VGLL3: variants seen among roughly 807,000 people sequenced by gnomAD.
VGLL3 encodes transcription cofactor vestigial-like protein 3.
VGLL3 carries 18 observed loss-of-function variants against 29.2 expected under a neutral mutation model. That is an observed-to-expected ratio of 0.62 (90% CI 0.43 to 0.91). The LOEUF (loss-of-function observed/expected upper bound fraction) is 0.91. Ranked by LOEUF, VGLL3 falls within the 40% of genes least tolerant of loss-of-function variation. The pLI is 0.00. For synonymous variants in VGLL3, 180 were observed against 151.8 expected (o/e 1.19, Z -1.36); for missense variants, 440 against 413.2 (o/e 1.06, Z -0.56).
rs1704456753 is a variant in VGLL3, at chr3:86,944,114, C to T, written c.*2910G>A. 6.6e-6 allele frequency: 1 copy of T among 152,150 alleles called. No individual in the cohort carries two copies. The highest frequency in any genetic ancestry group is 1.5e-5 in the Non-Finnish European group (1 of 68,032). 9.4% of individuals were successfully genotyped at this position (152,150 alleles called of 1,614,324 possible). A position where few individuals can be genotyped will look rare whatever the true frequency, so the allele number is the denominator to read the frequency against. On this transcript the variant is annotated 3_prime_UTR_variant, in exon 4 of 4. Transcript: ENST00000398399. The stretch of plus-strand genomic sequence containing the variant: ...AATATTATGCTAAATTACAACCCAT[C>T]CTCTTTTAGGACTTCTAACAGCAAT...
chr3:86,956,808 AAAAAAG>A (rs1336412220), intron 3 of VGLL3, among the ~76,000 whole-genome samples: 2 of 151,878 alleles, frequency 1.3e-5, no homozygotes, highest in Non-Finnish European at 2.9e-5. Flanking sequence ...AAAAAAAAAA[AAAAAAG>A]AAAGAAAATA....
At chr3:86,983,642 T>A (rs1705375902) in intron 1 of VGLL3, among the ~76,000 whole-genome samples, 2 of 152,156 alleles carry the variant, frequency 1.3e-5, no homozygotes, top group South Asian at 4.1e-4. Flanking sequence ...TGCCTCAGCC[T>A]CCCAGAAGTG....
At chr3:86,966,704 ATTCATAAATGAAAC>A (rs1013585420) in intron 3 of VGLL3, among the ~76,000 whole-genome samples, 4 of 145,222 alleles carry the variant, frequency 2.8e-5, no homozygotes, top group African/African-American at 1.0e-4. Flanking sequence ...CAGGTTTCTT[ATTCATAAATGAAAC>A]TAACAAGGTC....
At chr3:86,962,408 C>T (rs921818550) in intron 3 of VGLL3, 5 of 985,204 alleles carry the variant, frequency 5.1e-6, no homozygotes, top group Non-Finnish European at 6.0e-6. Context: ...GTGCCAGAGG[C>T]ACCTCACTGT....
At chr3:86,957,382 C>A (rs1482313044) in intron 3 of VGLL3, among the ~76,000 whole-genome samples, 1 of 152,220 alleles carries the variant, frequency 6.6e-6, no homozygotes, top group African/African-American at 2.4e-5. Context: ...GCTTGCACCT[C>A]AATTCTTCAG....
intron 1 of VGLL3, among the ~76,000 whole-genome samples, chr3:86,984,922 T>C (rs2107067929): frequency 6.6e-6 from 1 of 152,300 alleles, no homozygotes; most frequent in African/African-American, 2.4e-5. Context: ...ATTCAAAAGA[T>C]AACATAGGTT....
At position 86,987,220 on chromosome 3, in the gene VGLL3, C is replaced by CT. The variant is rs567374169; in HGVS notation, c.126+3397dup. ...GAGTTGAAGTTATGTTTTTCCAGGG[C>CT]TTTTTTCTCTGACAAACCGAATTGC... On this transcript the variant is annotated intron_variant, in intron 1 of 3. Coordinates refer to ENST00000398399, the MANE Select transcript of VGLL3 (RefSeq NM_016206.4). Among the ~76,000 whole-genome samples the CT allele has an allele frequency of 2.9e-3, 448 of 152,172 alleles. 1 individual carries two copies. The highest frequency in any genetic ancestry group is 5.1e-3 in the Non-Finnish European group (348 of 68,002).
chr3:86,985,117 G>T (rs780827691), intron 1 of VGLL3, among the ~76,000 whole-genome samples: 16 of 152,058 alleles, frequency 1.1e-4, no homozygotes, highest in Non-Finnish European at 2.2e-4. Flanking sequence ...TGTCTCAGAG[G>T]TCTCTCATCC....
chr3:86,976,667 C>T (rs539772876), intron 2 of VGLL3, among the ~76,000 whole-genome samples: 35 of 152,248 alleles, frequency 2.3e-4, no homozygotes, highest in Non-Finnish European at 4.0e-4. Flanking sequence ...AGAGAAAATG[C>T]TGATGTGTTG....
rs1704357909 is a variant in VGLL3, at chr3:86,939,884, G to A, written c.*7140C>T. 1 of 152,116 alleles carries A rather than the reference G, an allele frequency of 6.6e-6. No individual in the cohort carries two copies. Among genetic ancestry groups the A allele is most frequent in the Non-Finnish European group, 1.5e-5 (1 of 68,030 alleles). The allele number at this position is 152,116 out of a possible 1,614,324, so 9.4% of individuals were successfully genotyped here. A position where few individuals can be genotyped will look rare whatever the true frequency, so the allele number is the denominator to read the frequency against. On this transcript the variant is annotated 3_prime_UTR_variant, in exon 4 of 4. Transcript: ENST00000398399. ...TCTCTCTTGGAAGCATCCAGGAAAT[G>A]CCTCCTACATTCTGTAGCCCACCAA...
intron 2 of VGLL3, among the ~76,000 whole-genome samples, chr3:86,971,570 A>G (rs1283056021): frequency 6.6e-6 from 1 of 152,200 alleles, no homozygotes; most frequent in Non-Finnish European, 1.5e-5. Flanking sequence ...TAAAATCACA[A>G]TCTATCCAAA....
In VGLL3 at chr3:86,945,000, T is replaced by C. The variant is rs1704476904; in HGVS notation, c.*2024A>G. The C allele has an allele frequency of 6.6e-6, 1 of 152,190 alleles. No homozygotes were observed. Among genetic ancestry groups the C allele is most frequent in the East Asian group, 1.9e-4 (1 of 5,184 alleles). 9.4% of individuals were successfully genotyped at this position (152,190 alleles called of 1,614,324 possible). ...TTCACTAAATTTTGTGCTCCATGTA[T>C]TTGGGCAAATTATAAATGAAACAAT... On this transcript the variant is annotated 3_prime_UTR_variant, in exon 4 of 4. Coordinates refer to ENST00000398399, the MANE Select transcript of VGLL3 (RefSeq NM_016206.4).
chr3:86,941,631 T>G lies in VGLL3; in HGVS notation c.*5393A>C, dbSNP rs1704399221. ...ATTGACTAGAACTTCAAGAGAATACTACTTTGACCAATACTTTAAAACTAT... is the reference window on the plus strand; with the variant it reads ...ATTGACTAGAACTTCAAGAGAATACGACTTTGACCAATACTTTAAAACTAT... On this transcript the variant is annotated 3_prime_UTR_variant, in exon 4 of 4. Coordinates refer to ENST00000398399, the MANE Select transcript of VGLL3 (RefSeq NM_016206.4). 1 of 152,074 alleles carries G rather than the reference T, an allele frequency of 6.6e-6. No homozygotes were observed. Among genetic ancestry groups the G allele is most frequent in the Non-Finnish European group, 1.5e-5 (1 of 67,964 alleles). The allele number at this position is 152,074 out of a possible 1,614,324, so 9.4% of individuals were successfully genotyped here.
In VGLL3 at chr3:86,939,864, C is replaced by G. The variant is rs541301630; in HGVS notation, c.*7160G>C. 6.6e-6 allele frequency: 1 copy of G among 152,160 alleles called. No individual in the cohort carries two copies. Among genetic ancestry groups the G allele is most frequent in the African/African-American group, 2.4e-5 (1 of 41,428 alleles). The allele number at this position is 152,160 out of a possible 1,614,324, so 9.4% of individuals were successfully genotyped here. A position where few individuals can be genotyped will look rare whatever the true frequency, so the allele number is the denominator to read the frequency against. Reference sequence around the variant, plus strand: ...GAAGCAGGGAACAGCAAGATTCTCTCTTGGAAGCATCCAGGAAATGCCTCC... The same window carrying G: ...GAAGCAGGGAACAGCAAGATTCTCTGTTGGAAGCATCCAGGAAATGCCTCC... On this transcript the variant is annotated 3_prime_UTR_variant, in exon 4 of 4. Coordinates refer to ENST00000398399, the MANE Select transcript of VGLL3 (RefSeq NM_016206.4).
chr3:86,986,067 A>C (rs1166983050), intron 1 of VGLL3, among the ~76,000 whole-genome samples: 5 of 152,092 alleles, frequency 3.3e-5, no homozygotes. Flanking sequence ...ACATATATAC[A>C]CACACGCACA....
Position 86,944,553 on chromosome 3 carries a change from G to A in VGLL3, c.*2471C>T, listed in dbSNP as rs1704466750. On this transcript the variant is annotated 3_prime_UTR_variant, in exon 4 of 4. Transcript: ENST00000398399. ...GGCATGAGCTGCTGTGCCCAGCCTGGGTCCTGTTTTCAAAGAGAGAGCTCA... is the reference window on the plus strand; with the variant it reads ...GGCATGAGCTGCTGTGCCCAGCCTGAGTCCTGTTTTCAAAGAGAGAGCTCA... The A allele has an allele frequency of 1.3e-5, 2 of 152,234 alleles. No homozygotes were observed. The highest frequency in any genetic ancestry group is 4.1e-4 in the South Asian group (2 of 4,826). The allele number at this position is 152,234 out of a possible 1,614,324, so 9.4% of individuals were successfully genotyped here. A position where few individuals can be genotyped will look rare whatever the true frequency, so the allele number is the denominator to read the frequency against.
chr3:86,973,407 A>T (rs2107033407), intron 2 of VGLL3, among the ~76,000 whole-genome samples: 1 of 152,296 alleles, frequency 6.6e-6, no homozygotes, highest in Non-Finnish European at 1.5e-5. Flanking sequence ...TTTCATTGCC[A>T]TTCTCTTGTT....
intron 2 of VGLL3, among the ~76,000 whole-genome samples, chr3:86,973,936 A>G (rs1157676562): frequency 6.6e-6 from 1 of 152,156 alleles, no homozygotes; most frequent in Non-Finnish European, 1.5e-5. Context: ...CCTTTTCTAC[A>G]GATACACACA....
intron 3 of VGLL3, among the ~76,000 whole-genome samples, chr3:86,967,517 C>A (rs1291548990): frequency 1.5e-4 from 23 of 152,154 alleles, no homozygotes; most frequent in Admixed American, 1.5e-3. Context: ...ACGTTCCACT[C>A]ATGTCACGGG....
Sources: allele counts gnomAD v4.1 joint callset (sites outside exome capture counted in the v4.1 genomes callset), GRCh38; gene constraint gnomAD v4.1.1; transcripts MANE v1.5; gene names NCBI Gene and HGNC (gene_info 2026-07-23, HGNC 2026-07-21).